CCDC148: variants seen among roughly 807,000 people sequenced by gnomAD.
The protein encoded by CCDC148 is coiled-coil domain-containing protein 148.
Under a neutral mutation model 85.7 loss-of-function variants are expected in CCDC148, and 89 were observed. The observed-to-expected ratio is 1.04, with a 90% confidence interval of 0.87 to 1.24. The LOEUF is 1.24. Ranked by LOEUF, CCDC148 falls within the 50% of genes most tolerant of loss-of-function variation. The probability of loss-of-function intolerance (pLI) is 0.00; values close to 1 mark genes in which losing one functional copy is unlikely to be tolerated. For missense variants in CCDC148, 692 were observed against 671.7 expected (o/e 1.03, Z -0.33); for synonymous variants, 230 against 213.9 (o/e 1.08, Z -0.66).
At chr2:158,423,501 C>G (rs1266811013) in intron 1 of CCDC148, among the ~76,000 whole-genome samples, 4 of 152,198 alleles carry the variant, frequency 2.6e-5, no homozygotes, top group African/African-American at 9.7e-5. Context: ...GCTGGGAAAA[C>G]TGGCTAGCCA....
At chr2:158,230,558 G>A (rs1687806813) in intron 10 of CCDC148, among the ~76,000 whole-genome samples, 1 of 152,174 alleles carries the variant, frequency 6.6e-6, no homozygotes. Context: ...CGAGATTGGA[G>A]AGCTGCATGG....
chr2:158,186,049 T>G (rs1486976099), intron 11 of CCDC148, among the ~76,000 whole-genome samples: 2 of 152,086 alleles, frequency 1.3e-5, no homozygotes. Flanking sequence ...CTACTTTTAT[T>G]GCAACCTCTT....
At chr2:158,305,750 T>C (rs1278385299) in intron 9 of CCDC148, among the ~76,000 whole-genome samples, 16 of 95,678 alleles carry the variant, frequency 1.7e-4, no homozygotes, top group Admixed American at 1.2e-3. Flanking sequence ...TGAAACCCTG[T>C]CTCTTAAAAA....
At chr2:158,260,772 C>CA in intron 9 of CCDC148, among the ~76,000 whole-genome samples, 1 of 151,972 alleles carries the variant, frequency 6.6e-6, no homozygotes, top group East Asian at 1.9e-4. Context: ...ACAATTGTCA[C>CA]AAAAAGAATA....
In CCDC148 at chr2:158,265,496, CATT is replaced by C. The variant is rs1271846065; in HGVS notation, c.1111-14587_1111-14585del. On this transcript the variant is annotated intron_variant, in intron 9 of 13. Coordinates refer to ENST00000283233, the MANE Select transcript of CCDC148 (RefSeq NM_138803.4). ...AATTTTAATCTTCGAATACCACTGT[CATT>C]AGTATATAAATTAAAGTATATTTAT... 2.7e-5 allele frequency among the ~76,000 whole-genome samples: 4 copies of C among 150,856 alleles called. No homozygotes were observed. The East Asian group carries it at 7.7e-4, about 29-fold the overall frequency.
At chr2:158,422,582 C>T (rs557848527) in intron 1 of CCDC148, among the ~76,000 whole-genome samples, 4 of 152,208 alleles carry the variant, frequency 2.6e-5, no homozygotes, top group African/African-American at 9.6e-5. Flanking sequence ...TGGGACGTAT[C>T]TCAAAATTAC....
At chr2:158,303,979 G>A (rs376786845) in intron 9 of CCDC148, among the ~76,000 whole-genome samples, 2 of 152,148 alleles carry the variant, frequency 1.3e-5, no homozygotes, top group African/African-American at 4.8e-5. Context: ...ACAGCATGAT[G>A]TGTGAGACAT....
At chr2:158,222,168 ATTTT>A (rs1687219364) in intron 10 of CCDC148, among the ~76,000 whole-genome samples, 3 of 152,174 alleles carry the variant, frequency 2.0e-5, no homozygotes, top group Admixed American at 6.5e-5. Flanking sequence ...ATCAAAGAGC[ATTTT>A]TCTCTGGGTT....
chr2:158,278,207 C>G (rs889045188), intron 9 of CCDC148, among the ~76,000 whole-genome samples: 1 of 152,078 alleles, frequency 6.6e-6, no homozygotes, highest in Admixed American at 6.5e-5. Context: ...ACGCAGAAGA[C>G]GGGTGATTTC....
At chr2:158,179,166 ATTTTTTTT>A (rs10699879) in intron 11 of CCDC148, among the ~76,000 whole-genome samples, 170 bp from the exon 12 acceptor site, 5 of 82,824 alleles carry the variant, frequency 6.0e-5, no homozygotes, top group East Asian at 3.7e-4. Flanking sequence ...ATAAAATGCA[ATTTTTTTT>A]TTTTTTTTTT....
chr2:158,210,589 G>T (rs563846332), intron 11 of CCDC148, among the ~76,000 whole-genome samples: 3 of 152,042 alleles, frequency 2.0e-5, no homozygotes, highest in African/African-American at 7.2e-5. Flanking sequence ...AAATGCAAAA[G>T]AACAGAAATC....
chr2:158,295,214 A>C (rs1416325802), intron 9 of CCDC148, among the ~76,000 whole-genome samples: 1 of 152,080 alleles, frequency 6.6e-6, no homozygotes, highest in Non-Finnish European at 1.5e-5. Flanking sequence ...ACAGGAGCTG[A>C]AATTGTGGCA....
rs531429094 is a variant in CCDC148 at position 158,445,662 on chromosome 2, A to C, written c.25+10753T>G. Among the ~76,000 whole-genome samples, 5 of 152,326 alleles carry C rather than the reference A, an allele frequency of 3.3e-5. No individual in the cohort carries two copies. The South Asian group carries it at 8.3e-4, about 25-fold the overall frequency. Reference sequence around the variant, plus strand: ...CATTTTATCTAAAGATATTCTACTAAAACGTTGAAGTCTCATTCACACATC... The same window carrying C: ...CATTTTATCTAAAGATATTCTACTACAACGTTGAAGTCTCATTCACACATC... On this transcript the variant is annotated intron_variant, in intron 1 of 13. Transcript: ENST00000283233.
intron 9 of CCDC148, among the ~76,000 whole-genome samples, chr2:158,275,991 C>CAA (rs71404401): frequency 2.0e-4 from 28 of 143,466 alleles, no homozygotes; most frequent in South Asian, 1.6e-3. Context: ...TCTAATTTAT[C>CAA]AAAAAAAAAA....
In CCDC148 at chr2:158,353,459, A is replaced by G. The variant is rs1201892548; in HGVS notation, c.147+4990T>C. Among the ~76,000 whole-genome samples, 4 of 143,568 alleles carry G rather than the reference A, an allele frequency of 2.8e-5. No individual in the cohort carries two copies. In the East Asian group the frequency reaches 8.0e-4, roughly 29 times the overall value. The allele number at this position is 143,568 out of a possible 152,430, so 94.2% of individuals were successfully genotyped here. On this transcript the variant is annotated intron_variant, in intron 2 of 13. Coordinates refer to ENST00000283233, the MANE Select transcript of CCDC148 (RefSeq NM_138803.4). ...CTGATAAAACAGACTTTAAACCAAC[A>G]AAGATCAAAAGAGACAAAGAAGGCC... is the stretch of plus-strand genomic sequence containing the variant.
At chr2:158,425,013 A>G (rs929738128) in intron 1 of CCDC148, 5 of 399,436 alleles carry the variant, frequency 1.3e-5, no homozygotes, top group Admixed American at 5.8e-5. Context: ...ACAAAAAGGA[A>G]GAACAGGTGC....
chr2:158,362,907 A>G (rs1684025685), intron 1 of CCDC148, among the ~76,000 whole-genome samples: 1 of 151,684 alleles, frequency 6.6e-6, no homozygotes, highest in African/African-American at 2.4e-5. Context: ...AAATTAACAA[A>G]ATAGACTGCT....
intron 9 of CCDC148, among the ~76,000 whole-genome samples, chr2:158,308,697 C>T (rs534806725): frequency 6.6e-6 from 1 of 152,176 alleles, no homozygotes; most frequent in Non-Finnish European, 1.5e-5. Flanking sequence ...TGGCCCTGGC[C>T]AACACTCCTG....
chr2:158,173,389 C>A lies in CCDC148; in HGVS notation c.1630-1130G>T, dbSNP rs1264748362. ...TGGCCATGCCGAGTCTAAGGAGCTA[C>A]TAGGGTATGTTTGTTTCTAGTTTTT... On this transcript the variant is annotated intron_variant, in intron 13 of 13. Transcript: ENST00000283233. Among the ~76,000 whole-genome samples, 8 of 152,040 alleles carry A rather than the reference C, an allele frequency of 5.3e-5. No homozygotes were observed. In the East Asian group the frequency reaches 1.4e-3, roughly 26 times the overall value.
Sources: allele counts gnomAD v4.1 joint callset (sites outside exome capture counted in the v4.1 genomes callset), GRCh38; gene constraint gnomAD v4.1.1; transcripts MANE v1.5; gene names NCBI Gene and HGNC (gene_info 2026-07-23, HGNC 2026-07-21).